The following XRCC3 variants were observed in gnomAD, a reference collection of about 807,000 sequenced individuals.
XRCC3 encodes the protein DNA repair protein XRCC3.
XRCC3 carries 34 observed loss-of-function variants against 29.2 expected under a neutral mutation model. The ratio of observed to expected loss-of-function variants is 1.16; its 90% CI spans 0.88 to 1.55. The LOEUF (loss-of-function observed/expected upper bound fraction) is 1.55. XRCC3 is among the 40% of genes most tolerant of loss of function. The pLI is 0.00. For missense variants in XRCC3, 463 were observed against 467.6 expected (o/e 0.99, Z 0.09); for synonymous variants, 223 against 211.3 (o/e 1.06, Z -0.48).
In XRCC3 at chr14:103,699,524, C is replaced by T. The variant is rs750418294; in HGVS notation, c.614G>A (p.Gly205Asp). 2.5e-6 allele frequency: 4 copies of T among 1,613,504 alleles called. No individual in the cohort carries two copies. In the East Asian group the frequency reaches 6.7e-5, roughly 27 times the overall value. ...GTCGATGACCACCAGGCGAGCCATGCCCCGAGACAGCAGTACGGGGACCTT... is the reference window on the plus strand; with the variant it reads ...GTCGATGACCACCAGGCGAGCCATGTCCCGAGACAGCAGTACGGGGACCTT... The part of the protein sequence containing the change: ...NKKVPVLLSR[G>D]MARLVVIDSV... The change falls in exon 8 of 10, where the codon GGC (glycine) becomes GAC (aspartate). Residue 205 changes from glycine (G) to aspartate (D), a missense_variant. By Grantham distance (94) the Gly-to-Asp change is moderately conservative. Coordinates refer to ENST00000555055, the MANE Select transcript of XRCC3 (RefSeq NM_005432.4).
intron 4 of XRCC3, chr14:103,709,931 T>G (rs1595673273): frequency 6.6e-6 from 1 of 151,908 alleles, no homozygotes; most frequent in Non-Finnish European, 1.5e-5. Flanking sequence ...GGATGGAGGG[T>G]CAGGACAGCG....
chr14:103,703,413 C>A, intron 6 of XRCC3, 86 bp from the exon 7 acceptor site: 1 of 1,416,510 alleles, frequency 7.1e-7, no homozygotes, highest in Non-Finnish European at 9.6e-7. Context: ...TGTCTCCCGC[C>A]ATTTCTAACT....
intron 4 of XRCC3, 167 bp downstream of exon 4, chr14:103,710,866 A>ACACACACACACACACT: frequency 1.5e-6 from 1 of 662,944 alleles, no homozygotes; most frequent in Non-Finnish European, 2.7e-6. Flanking sequence ...ACACACACAC[A>ACACACACACACACACT]CACACACACA....
At chr14:103,712,613 C>T (rs991155516) in intron 2 of XRCC3, 1 of 152,544 alleles carries the variant, frequency 6.6e-6, no homozygotes, top group East Asian at 1.9e-4. Flanking sequence ...GAGGTACCAC[C>T]CAAAACACAG....
In XRCC3 at chr14:103,707,188, C is replaced by G; in HGVS notation, c.221G>C (p.Arg74Pro). Residue 74 changes from arginine (R) to proline (P), a missense_variant, in exon 6 of 10, where the codon CGG (arginine) becomes CCG (proline). Arg to Pro is a moderately radical substitution (Grantham distance 103). Coordinates refer to ENST00000555055, the MANE Select transcript of XRCC3 (RefSeq NM_005432.4). ...CAGGCGCTGGTGCTGCGTGGGGAAC[C>G]GCTCCTTCTGCTGGTGCAGCTGCAG... ...TALQLHQQKE[R>P]FPTQHQRLSL... 1 of 1,549,056 alleles carries G rather than the reference C, an allele frequency of 6.5e-7. No homozygotes were observed. The highest frequency in any genetic ancestry group is 2.0e-5 in the Admixed American group (1 of 51,002).
chr14:103,707,112 C>G lies in XRCC3; in HGVS notation c.297G>C (p.Leu99=), dbSNP rs903229605. 2.6e-6 allele frequency: 4 copies of G among 1,551,132 alleles called. No homozygotes were observed. The African/African-American group carries it at 5.5e-5, about 21-fold the overall frequency. Residue 99 remains leucine (L), a synonymous_variant, in exon 6 of 10, where the codon CTG becomes CTC. Coordinates refer to ENST00000555055, the MANE Select transcript of XRCC3 (RefSeq NM_005432.4). ...LDALLRGGLP[L]DGITELAGRS... is the part of the protein sequence containing the mutation. Reference sequence around the variant, plus strand: ...GTCCGGCCAGCTCAGTGATGCCGTCCAGGGGCAGGCCACCGCGGAGCAGCG... The same window carrying G: ...GTCCGGCCAGCTCAGTGATGCCGTCGAGGGGCAGGCCACCGCGGAGCAGCG...
In XRCC3 at chr14:103,698,788, C is replaced by T. The variant is rs768944628; in HGVS notation, c.*10G>A. 19 of 1,583,862 alleles carry T rather than the reference C, an allele frequency of 1.2e-5. No individual in the cohort carries two copies. The highest frequency in any genetic ancestry group is 8.1e-5 in the African/African-American group (6 of 74,330). ...TTCTCAGGCAGGGCTGTTGTGCAGC[C>T]GCCACCGTGTCAGTGGGACTGGGTC... On this transcript the variant is annotated 3_prime_UTR_variant, in exon 10 of 10. Transcript: ENST00000555055.
chr14:103,701,547 C>T, intron 7 of XRCC3: 2 of 292,170 alleles, frequency 6.8e-6, no homozygotes, highest in Non-Finnish European at 1.3e-5. Flanking sequence ...ATGCCTTATG[C>T]TTTACTTGAA....
chr14:103,699,681 A>T, intron 7 of XRCC3, 105 bp from the exon 8 acceptor site: 1 of 1,115,202 alleles, frequency 9.0e-7, no homozygotes. Flanking sequence ...CTTCCTACCC[A>T]CCTGGGGCTC....
At chr14:103,711,003 C>T (rs756415470) in intron 4 of XRCC3, 30 bp downstream of exon 4, 1 of 1,612,818 alleles carries the variant, frequency 6.2e-7, no homozygotes, top group Non-Finnish European at 8.5e-7. Flanking sequence ...CACCCACCCA[C>T]ACCCTTTATG....
At chr14:103,707,825 G>A in intron 5 of XRCC3, 1 of 187,376 alleles carries the variant, frequency 5.3e-6, no homozygotes, top group Admixed American at 5.4e-5. Context: ...GCCTGGGCCG[G>A]GAGGAGCAGC....
intron 5 of XRCC3, 83 bp downstream of exon 5, chr14:103,708,439 T>C: frequency 1.3e-6 from 2 of 1,597,110 alleles, no homozygotes; most frequent in Non-Finnish European, 1.7e-6. Flanking sequence ...GGGTGAAGTC[T>C]GCACAGCCCC....
Position 103,703,343 on chromosome 14 carries a change from GC to G in XRCC3, c.407-17del. On this transcript the variant is annotated splice_polypyrimidine_tract_variant and intron_variant, in intron 6 of 9. Transcript: ENST00000555055. ...TAGACGGCTCCTGGGAAGCAAGAGT[GC>G]CTGATGTGCCCAGGGGACTCCAGAC... 6.5e-7 allele frequency: 1 copy of G among 1,542,820 alleles called. No individual in the cohort carries two copies. The highest frequency in any genetic ancestry group is 1.2e-5 in the South Asian group (1 of 84,256).
intron 1 of XRCC3, chr14:103,713,656 G>A (rs1175937572): frequency 6.6e-6 from 1 of 152,454 alleles, no homozygotes; most frequent in African/African-American, 2.4e-5. Context: ...GCCTTCCGAG[G>A]TGGACTCACT....
intron 7 of XRCC3, chr14:103,699,845 G>C: frequency 1.9e-6 from 1 of 519,572 alleles, no homozygotes; most frequent in South Asian, 2.0e-5. Flanking sequence ...CCTTGGCTGT[G>C]CCAACACCGT....
rs1177136370 is a variant in XRCC3 at position 103,697,853 on chromosome 14, G to A, written c.*945C>T. The A allele has an allele frequency of 6.6e-6, 1 of 151,970 alleles. No individual in the cohort carries two copies. Among genetic ancestry groups the A allele is most frequent in the Admixed American group, 6.5e-5 (1 of 15,272 alleles). 9.4% of individuals were successfully genotyped at this position (151,970 alleles called of 1,614,324 possible). A position where few individuals can be genotyped will look rare whatever the true frequency, so the allele number is the denominator to read the frequency against. The stretch of plus-strand genomic sequence containing the variant: ...TAAGGCCTGGCCACAGTGTGGGACT[G>A]GGTCTGCACAGTGTGGGACTGCAGG... On this transcript the variant is annotated 3_prime_UTR_variant, in exon 10 of 10. Transcript: ENST00000555055.
Position 103,699,027 on chromosome 14 carries a change from A to G in XRCC3, c.822-10T>C, listed in dbSNP as rs2151904748. The G allele has an allele frequency of 1.3e-6, 2 of 1,578,460 alleles. No homozygotes were observed. Among genetic ancestry groups the G allele is most frequent in the Non-Finnish European group, 1.7e-6 (2 of 1,161,850 alleles). On this transcript the variant is annotated splice_polypyrimidine_tract_variant and intron_variant, in intron 9 of 9. Coordinates refer to ENST00000555055, the MANE Select transcript of XRCC3 (RefSeq NM_005432.4). ...ACGTTCGTCCCAGAACCTGAGAAACAGGAAGCAGGCAAGCTGGCGCTCAGG... is the reference window on the plus strand; with the variant it reads ...ACGTTCGTCCCAGAACCTGAGAAACGGGAAGCAGGCAAGCTGGCGCTCAGG...
intron 4 of XRCC3, chr14:103,710,251 C>G (rs960349587): frequency 6.6e-6 from 1 of 152,378 alleles, no homozygotes; most frequent in Non-Finnish European, 1.5e-5. Flanking sequence ...ACAACCCTGA[C>G]AGCTGATGTC....
chr14:103,700,397 C>T (rs2083069538), intron 7 of XRCC3: 1 of 427,078 alleles, frequency 2.3e-6, no homozygotes, highest in East Asian at 4.0e-5. Flanking sequence ...CATGGCTGGC[C>T]TGGCCTCTGA....
Sources: gnomAD v4.1 joint callset for allele counts on GRCh38, gnomAD v4.1.1 for gene constraint, MANE v1.5 for transcripts, NCBI Gene and HGNC (gene_info 2026-07-23, HGNC 2026-07-21) for gene names.